Variants in SLC44A5 observed in about 807,000 individuals in gnomAD.
SLC44A5 encodes the protein choline transporter-like protein 5.
SLC44A5 carries 57 observed loss-of-function variants against 101.8 expected under a neutral mutation model. That is an observed-to-expected ratio of 0.56 (90% CI 0.45 to 0.70). The LOEUF is 0.70. Among genes scored for constraint, SLC44A5 ranks in the 30% least tolerant of loss-of-function variants. The pLI is 0.00. For synonymous variants in SLC44A5, 281 were observed against 290.9 expected, an observed-to-expected ratio of 0.97 and a Z score of 0.35; for missense variants, 737 against 853.1, an observed-to-expected ratio of 0.86 and a Z score of 1.70.
intron 1 of SLC44A5, among the ~76,000 whole-genome samples, chr1:75,588,712 C>T (rs1399495756): frequency 6.6e-6 from 1 of 150,882 alleles, no homozygotes; most frequent in African/African-American, 2.4e-5. Context: ...ATAAAGATAT[C>T]TGGTTCCTAT....
chr1:75,619,825 C>T, the SLC44A5 span, among the ~76,000 whole-genome samples: 2 of 152,056 alleles, frequency 1.3e-5, no homozygotes, highest in Non-Finnish European at 2.9e-5. Context: ...TTCTAAATTT[C>T]TGGCTATTCT....
chr1:75,649,851 C>A, the SLC44A5 span, among the ~76,000 whole-genome samples: 1 of 152,128 alleles, frequency 6.6e-6, no homozygotes, highest in Admixed American at 6.6e-5. Context: ...AAAGCAAGGA[C>A]CTAGTGACCT....
At chr1:75,277,966 T>G (rs891171791) in intron 5 of SLC44A5, among the ~76,000 whole-genome samples, 1 of 152,124 alleles carries the variant, frequency 6.6e-6, no homozygotes, top group African/African-American at 2.4e-5. Context: ...CATCATTTTG[T>G]CCCTATTAAT....
intron 1 of SLC44A5, among the ~76,000 whole-genome samples, chr1:75,583,928 T>A (rs1379887466): frequency 6.6e-6 from 1 of 152,198 alleles, no homozygotes; most frequent in Non-Finnish European, 1.5e-5. Context: ...TTTTCAGTAA[T>A]TCCTATGGGG....
At chr1:75,494,069 G>A (rs1668551023) in intron 2 of SLC44A5, among the ~76,000 whole-genome samples, 1 of 152,142 alleles carries the variant, frequency 6.6e-6, no homozygotes. Context: ...TTAACAAGTG[G>A]AACCTTTGAG....
chr1:75,401,995 T>C (rs1662509964), intron 2 of SLC44A5, among the ~76,000 whole-genome samples: 1 of 152,032 alleles, frequency 6.6e-6, no homozygotes, highest in Non-Finnish European at 1.5e-5. Context: ...AAAAATGTGA[T>C]CCACACATGA....
intron 1 of SLC44A5, among the ~76,000 whole-genome samples, chr1:75,574,287 G>A (rs1297963580): frequency 6.6e-6 from 1 of 152,144 alleles, no homozygotes. Flanking sequence ...TGTGGACAGA[G>A]AGTCCACATT....
chr1:75,548,540 GT>G (rs1373157237), intron 1 of SLC44A5, among the ~76,000 whole-genome samples: 1 of 152,040 alleles, frequency 6.6e-6, no homozygotes. Context: ...CAAATATGCG[GT>G]TTTCCCAAGT....
At chr1:75,314,094 C>A (rs1241256486) in intron 4 of SLC44A5, among the ~76,000 whole-genome samples, 2 of 152,044 alleles carry the variant, frequency 1.3e-5, no homozygotes, top group African/African-American at 4.8e-5. Context: ...TTTAAATAAT[C>A]CTAACAGTCA....
intron 3 of SLC44A5, among the ~76,000 whole-genome samples, chr1:75,341,440 G>T (rs1657870111): frequency 1.3e-5 from 2 of 151,904 alleles, no homozygotes; most frequent in Non-Finnish European, 2.9e-5. Flanking sequence ...TGAGATTGTG[G>T]CACTGTACTC....
intron 2 of SLC44A5, among the ~76,000 whole-genome samples, chr1:75,471,581 C>T (rs531013686): frequency 2.0e-5 from 3 of 152,168 alleles, no homozygotes; most frequent in East Asian, 1.9e-4. Flanking sequence ...CAAGAGAATG[C>T]GGGCAGAGCT....
chr1:75,673,330 G>C, the SLC44A5 span, among the ~76,000 whole-genome samples: 1 of 152,008 alleles, frequency 6.6e-6, no homozygotes, highest in African/African-American at 2.4e-5. Context: ...GGAAAACTCT[G>C]CTTGAGGAAG....
chr1:75,236,036 T>C (rs1351219907), intron 11 of SLC44A5, among the ~76,000 whole-genome samples: 1 of 151,968 alleles, frequency 6.6e-6, no homozygotes, highest in African/African-American at 2.4e-5. Context: ...ATAATAAAGG[T>C]TATAAATGAT....
intron 2 of SLC44A5, chr1:75,398,224 G>T: frequency 5.0e-6 from 1 of 201,044 alleles, no homozygotes; most frequent in Non-Finnish European, 8.9e-6. Context: ...AAGGTTACAT[G>T]TCATAGCTTT....
intron 4 of SLC44A5, among the ~76,000 whole-genome samples, chr1:75,306,690 TTC>T (rs1002087069): frequency 3.3e-5 from 5 of 151,652 alleles, no homozygotes; most frequent in Non-Finnish European, 5.9e-5. Flanking sequence ...AGGGACAGCT[TTC>T]TACTCTCATC....
chr1:75,231,577 T>C (rs1034933502), intron 12 of SLC44A5, among the ~76,000 whole-genome samples: 1 of 152,180 alleles, frequency 6.6e-6, no homozygotes, highest in African/African-American at 2.4e-5. Context: ...TATTCCTGAA[T>C]AACAATAATA....
At chr1:75,284,801 T>C (rs1652903422) in intron 5 of SLC44A5, among the ~76,000 whole-genome samples, 2 of 152,170 alleles carry the variant, frequency 1.3e-5, no homozygotes, top group Admixed American at 6.5e-5. Flanking sequence ...GTTTATGTGA[T>C]GTATCACATT....
the SLC44A5 span, among the ~76,000 whole-genome samples, chr1:75,657,106 G>A: frequency 1.3e-5 from 2 of 152,082 alleles, no homozygotes; most frequent in Admixed American, 6.6e-5. Context: ...CTGAGATCAA[G>A]TCACTGCACT....
chr1:75,256,894 G>A (rs1650064027), intron 6 of SLC44A5, among the ~76,000 whole-genome samples: 1 of 152,152 alleles, frequency 6.6e-6, no homozygotes, highest in Non-Finnish European at 1.5e-5. Flanking sequence ...GGATCAGTAA[G>A]ATAATGTATA....
Sources: allele counts gnomAD v4.1 joint callset (sites outside exome capture counted in the v4.1 genomes callset), GRCh38; gene constraint gnomAD v4.1.1; transcripts MANE v1.5; gene names NCBI Gene and HGNC (gene_info 2026-07-23, HGNC 2026-07-21).